Variants in ELMO1 observed in about 807,000 individuals in gnomAD.
ELMO1 encodes the protein engulfment and cell motility 1.
ELMO1 carries 26 observed loss-of-function variants against 98.9 expected under a neutral mutation model. That is an observed-to-expected ratio of 0.26 (90% CI 0.19 to 0.36). The LOEUF (loss-of-function observed/expected upper bound fraction) is 0.36, where lower values mean the gene tolerates loss of function less well. Among genes scored for constraint, ELMO1 ranks in the 10% least tolerant of loss-of-function variants. The probability of loss-of-function intolerance (pLI) is 1.00; values close to 1 mark genes in which losing one functional copy is unlikely to be tolerated. For synonymous variants in ELMO1, 346 were observed against 346.0 expected, an observed-to-expected ratio of 1.00 and a Z score of 0.00; for missense variants, 627 against 935.2, an observed-to-expected ratio of 0.67 and a Z score of 4.30.
chr7:37,085,747 G>T (rs1462761203), intron 15 of ELMO1, among the ~76,000 whole-genome samples: 1 of 152,192 alleles, frequency 6.6e-6, no homozygotes, highest in Non-Finnish European at 1.5e-5. Flanking sequence ...TTTGGAATGA[G>T]ACTAGTCACT....
intron 15 of ELMO1, among the ~76,000 whole-genome samples, chr7:37,031,561 AC>A (rs903741053): frequency 6.6e-6 from 1 of 151,946 alleles, no homozygotes; most frequent in African/African-American, 2.4e-5. Context: ...GGATTCTTTT[AC>A]GCCCATTCTC....
chr7:37,445,689 A>G (rs774253611), intron 1 of ELMO1, among the ~76,000 whole-genome samples: 3 of 152,106 alleles, frequency 2.0e-5, no homozygotes, highest in Non-Finnish European at 4.4e-5. Context: ...GCACCTGCAG[A>G]ACACCTTAAT....
intron 13 of ELMO1, among the ~76,000 whole-genome samples, chr7:37,177,034 T>C (rs1047716792): frequency 1.3e-5 from 2 of 152,170 alleles, no homozygotes; most frequent in African/African-American, 4.8e-5. Context: ...GGACATTGTA[T>C]GTTACAAACT....
At chr7:37,367,303 T>C (rs955354157) in intron 1 of ELMO1, among the ~76,000 whole-genome samples, 3 of 152,208 alleles carry the variant, frequency 2.0e-5, no homozygotes, top group African/African-American at 7.2e-5. Flanking sequence ...CACTCACTCC[T>C]TTACTCACCG....
chr7:37,256,441 A>G (rs1397119825), intron 6 of ELMO1, among the ~76,000 whole-genome samples: 2 of 151,768 alleles, frequency 1.3e-5, no homozygotes, highest in East Asian at 3.9e-4. Flanking sequence ...AATGAGAAAA[A>G]AAATGTTTTC....
Position 37,160,489 on chromosome 7 carries a change from T to G in ELMO1, c.1087-27255A>C, listed in dbSNP as rs183176192. ...CTTATTCCCCCTTTTCCTTCCTGTTTCCCCACTGGCACCCTGATGTGAAGA... is the reference window on the plus strand; with the variant it reads ...CTTATTCCCCCTTTTCCTTCCTGTTGCCCCACTGGCACCCTGATGTGAAGA... On this transcript the variant is annotated intron_variant, in intron 13 of 21. Coordinates refer to ENST00000310758, the MANE Select transcript of ELMO1 (RefSeq NM_014800.11). Among the ~76,000 whole-genome samples, 1,015 of 152,282 alleles carry G rather than the reference T, an allele frequency of 6.7e-3. 39 individuals are homozygous for G. The highest frequency in any genetic ancestry group is 0.06 in the Admixed American group (914 of 15,290).
intron 20 of ELMO1, among the ~76,000 whole-genome samples, chr7:36,867,479 G>A (rs1411232918): frequency 6.6e-6 from 1 of 151,886 alleles, no homozygotes; most frequent in East Asian, 1.9e-4. Context: ...TTTTGGTTTT[G>A]TTGATTTTCT....
intron 6 of ELMO1, among the ~76,000 whole-genome samples, chr7:37,252,211 C>T (rs1405750612): frequency 6.6e-6 from 1 of 152,142 alleles, no homozygotes; most frequent in East Asian, 1.9e-4. Flanking sequence ...TGACTTTCTT[C>T]ACAGAATTAG....
intron 13 of ELMO1, among the ~76,000 whole-genome samples, chr7:37,202,322 G>C (rs1044071400): frequency 6.6e-6 from 1 of 152,104 alleles, no homozygotes; most frequent in Non-Finnish European, 1.5e-5. Flanking sequence ...GGCAAAAAGA[G>C]AATACCACAA....
intron 15 of ELMO1, among the ~76,000 whole-genome samples, chr7:37,058,409 A>C (rs1486288076): frequency 6.6e-6 from 1 of 152,184 alleles, no homozygotes; most frequent in Non-Finnish European, 1.5e-5. Context: ...GCAAGAGGCC[A>C]TGCACCAACC....
intron 1 of ELMO1, among the ~76,000 whole-genome samples, chr7:37,445,511 G>A (rs931850383): frequency 1.3e-5 from 2 of 152,128 alleles, no homozygotes; most frequent in African/African-American, 2.4e-5. Context: ...GATCAGGTGA[G>A]CTCCTTGCCT....
chr7:36,937,888 T>C (rs1358286901), intron 16 of ELMO1, among the ~76,000 whole-genome samples: 2 of 152,206 alleles, frequency 1.3e-5, no homozygotes, highest in African/African-American at 4.8e-5. Context: ...GCTAACACTC[T>C]CTAGTGGCCC....
At position 37,309,632 on chromosome 7, in the gene ELMO1, G is replaced by C. The variant is rs529785847; in HGVS notation, c.192+5218C>G. ...GGAAATTTACAGCTTTCCTGGGCGTGAGTTTGCTCACATTAAAATGCCTGC... is the reference window on the plus strand; with the variant it reads ...GGAAATTTACAGCTTTCCTGGGCGTCAGTTTGCTCACATTAAAATGCCTGC... On this transcript the variant is annotated intron_variant, in intron 4 of 21. Transcript: ENST00000310758. Among the ~76,000 whole-genome samples, 5 of 152,316 alleles carry C rather than the reference G, an allele frequency of 3.3e-5. No individual in the cohort carries two copies. The East Asian group carries it at 7.7e-4, about 24-fold the overall frequency.
intron 1 of ELMO1, among the ~76,000 whole-genome samples, chr7:37,366,865 C>T (rs1801922032): frequency 6.6e-6 from 1 of 152,184 alleles, no homozygotes; most frequent in Admixed American, 6.5e-5. Context: ...GAGACAAGAG[C>T]GAAGCCCAGG....
At chr7:37,375,337 T>C (rs1252136694) in intron 1 of ELMO1, among the ~76,000 whole-genome samples, 1 of 152,208 alleles carries the variant, frequency 6.6e-6, no homozygotes, top group Non-Finnish European at 1.5e-5. Flanking sequence ...TCCTGAGCAG[T>C]AAGCAAGCTA....
At chr7:37,155,642 C>A (rs1277354741) in intron 13 of ELMO1, among the ~76,000 whole-genome samples, 1 of 152,064 alleles carries the variant, frequency 6.6e-6, no homozygotes, top group Non-Finnish European at 1.5e-5. Context: ...AATATATATG[C>A]ACCCAATACA....
chr7:36,865,997 T>A (rs936681633), intron 20 of ELMO1, among the ~76,000 whole-genome samples: 2 of 152,216 alleles, frequency 1.3e-5, no homozygotes, highest in Non-Finnish European at 2.9e-5. Flanking sequence ...GGTTTAAGCA[T>A]CACACTGGAA....
intron 14 of ELMO1, among the ~76,000 whole-genome samples, chr7:37,111,216 G>T (rs1362408735): frequency 6.6e-6 from 1 of 152,190 alleles, no homozygotes; most frequent in African/African-American, 2.4e-5. Flanking sequence ...CTCAGGCCAT[G>T]ACTTGGCATT....
chr7:36,931,809 T>C (rs1260396056), intron 16 of ELMO1, among the ~76,000 whole-genome samples: 1 of 152,152 alleles, frequency 6.6e-6, no homozygotes, highest in African/African-American at 2.4e-5. Flanking sequence ...GGGAGATACA[T>C]CCTCCACGAA....
Sources: gnomAD v4.1 joint callset for allele counts (sites outside exome capture counted in the v4.1 genomes callset) on GRCh38, gnomAD v4.1.1 for gene constraint, MANE v1.5 for transcripts, NCBI Gene and HGNC (gene_info 2026-07-23, HGNC 2026-07-21) for gene names.